Variants in SEM1 observed in about 807,000 individuals in gnomAD.
SEM1 encodes SEM1 26S proteasome subunit.
In SEM1, 3 loss-of-function variants were observed where a neutral mutation model predicts 12.7. The observed-to-expected ratio is 0.24, with a 90% CI of 0.11 to 0.61. SEM1 has a LOEUF of 0.61. SEM1 is among the 20% of genes least tolerant of loss of function. The probability of loss-of-function intolerance (pLI) is 0.88; values close to 1 mark genes in which losing one functional copy is unlikely to be tolerated. For synonymous variants in SEM1, 30 were observed against 27.8 expected, an observed-to-expected ratio of 1.08 and a Z score of -0.25; for missense variants, 59 against 81.3, an observed-to-expected ratio of 0.73 and a Z score of 1.06.
At chr7:96,620,539 C>G (rs1205648106), downstream of SEM1, among the ~76,000 whole-genome samples, 1 of 152,176 alleles carries the variant, frequency 6.6e-6, no homozygotes, top group Admixed American at 6.5e-5. Flanking sequence ...GAGGGATTCT[C>G]TTGTAGCCAA....
At chr7:96,616,249 G>T (rs1488278725) in intron 2 of SEM1, among the ~76,000 whole-genome samples, 1 of 152,100 alleles carries the variant, frequency 6.6e-6, no homozygotes, top group Admixed American at 6.5e-5. Context: ...ACTGGTGTTT[G>T]ATGGTATCTC....
chr7:96,548,320 A>G (rs1172267327), intron 2 of SEM1, among the ~76,000 whole-genome samples: 1 of 152,098 alleles, frequency 6.6e-6, no homozygotes, highest in Non-Finnish European at 1.5e-5. Context: ...CAATAGTTTG[A>G]GCTTTCCCTT....
downstream of SEM1, among the ~76,000 whole-genome samples, chr7:96,617,862 C>T (rs575321440): frequency 6.6e-6 from 1 of 152,228 alleles, no homozygotes; most frequent in East Asian, 1.9e-4. Flanking sequence ...ATATGTTGAA[C>T]CATCCTTGTA....
At chr7:96,596,402 A>G (rs1807000170) in intron 2 of SEM1, among the ~76,000 whole-genome samples, 3 of 152,166 alleles carry the variant, frequency 2.0e-5, no homozygotes, top group African/African-American at 7.2e-5. Context: ...AGCAAATGAC[A>G]AGAAGCATTT....
chr7:96,597,523 T>A (rs1807040850), intron 2 of SEM1, among the ~76,000 whole-genome samples: 1 of 152,170 alleles, frequency 6.6e-6, no homozygotes, highest in Non-Finnish European at 1.5e-5. Flanking sequence ...AGACACAAGA[T>A]GACAGGGTTT....
chr7:96,579,056 A>G (rs542193412), intron 2 of SEM1, among the ~76,000 whole-genome samples: 1 of 152,326 alleles, frequency 6.6e-6, no homozygotes, highest in East Asian at 1.9e-4. Flanking sequence ...AAATCTTGAC[A>G]TATTTGTATT....
chr7:96,631,539 C>A (rs1808262371), intron 2 of SEM1, among the ~76,000 whole-genome samples: 1 of 152,138 alleles, frequency 6.6e-6, no homozygotes, highest in Non-Finnish European at 1.5e-5. Flanking sequence ...ACCACCTCTT[C>A]AGTGCCTCTT....
At chr7:96,597,927 CAA>C (rs1473126111) in intron 2 of SEM1, among the ~76,000 whole-genome samples, 1 of 152,108 alleles carries the variant, frequency 6.6e-6, no homozygotes, top group Non-Finnish European at 1.5e-5. Flanking sequence ...TACTTTAATG[CAA>C]AAGTCAATAT....
chr7:96,534,108 T>G (rs1804719296), intron 2 of SEM1, among the ~76,000 whole-genome samples: 1 of 152,090 alleles, frequency 6.6e-6, no homozygotes, highest in African/African-American at 2.4e-5. Flanking sequence ...ACCATTTTAC[T>G]TGAAAGAATG....
chr7:96,593,001 A>T (rs771088986), intron 2 of SEM1, among the ~76,000 whole-genome samples: 2,801 of 106,298 alleles, frequency 0.026, 67 homozygotes, highest in Non-Finnish European at 0.042. Context: ...TCCCATATTA[A>T]AAAAAAAAAA....
At chr7:96,539,023 A>G (rs949238679) in intron 2 of SEM1, among the ~76,000 whole-genome samples, 1 of 151,804 alleles carries the variant, frequency 6.6e-6, no homozygotes, top group Non-Finnish European at 1.5e-5. Flanking sequence ...GGTTTCCTTC[A>G]TGTTAGCAGA....
At chr7:96,687,786 T>C (rs1468138538), downstream of SEM1, among the ~76,000 whole-genome samples, 3 of 151,802 alleles carry the variant, frequency 2.0e-5, no homozygotes, top group Non-Finnish European at 4.4e-5. Flanking sequence ...AGTATAATAA[T>C]AATTTAAAAA....
At chr7:96,535,490 G>A (rs1396265759) in intron 2 of SEM1, among the ~76,000 whole-genome samples, 1 of 151,410 alleles carries the variant, frequency 6.6e-6, no homozygotes, top group Non-Finnish European at 1.5e-5. Flanking sequence ...TTAGGTTCAG[G>A]GATACATGTG....
chr7:96,621,887 T>G (rs952653704), downstream of SEM1: 3 of 152,248 alleles, frequency 2.0e-5, no homozygotes, highest in Non-Finnish European at 4.4e-5. Context: ...ACTCTGTAGC[T>G]TCTTCTTCCC....
chr7:96,661,383 T>C (rs1367017369), intron 2 of SEM1, among the ~76,000 whole-genome samples: 1 of 152,198 alleles, frequency 6.6e-6, no homozygotes, highest in Non-Finnish European at 1.5e-5. Flanking sequence ...TCAGTGCAAT[T>C]TCAATCAAAA....
At chr7:96,489,351 C>G (rs967488186) in intron 1 of SEM1, among the ~76,000 whole-genome samples, 3 of 152,068 alleles carry the variant, frequency 2.0e-5, no homozygotes, top group Non-Finnish European at 4.4e-5. Context: ...ATTGCTGGGC[C>G]CTACCCCTAG....
At chr7:96,706,570 C>CAAAAAA (rs67892273) in intron 1 of SEM1, among the ~76,000 whole-genome samples, 29 of 78,050 alleles carry the variant, frequency 3.7e-4, no homozygotes, top group African/African-American at 1.0e-3. Flanking sequence ...CTCAAACAAA[C>CAAAAAA]AAAAAAAAAA....
intron 2 of SEM1, among the ~76,000 whole-genome samples, chr7:96,526,874 G>C (rs1804481501): frequency 6.6e-6 from 1 of 151,842 alleles, no homozygotes; most frequent in Non-Finnish European, 1.5e-5. Flanking sequence ...AAAAAAAAAA[G>C]TTATTGCTCA....
chr7:96,507,136 A>G lies in SEM1; in HGVS notation c.171-438T>C, dbSNP rs1325380103. Among the ~76,000 whole-genome samples the G allele has an allele frequency of 6.6e-5, 10 of 152,270 alleles. No homozygotes were observed. In the East Asian group the frequency reaches 1.9e-3, roughly 29 times the overall value. ...TGAAATACAGGAAGCAGTTTGACTT[A>G]TTAACCTATGTGGTATGTGGCAAAG... On this transcript the variant is annotated intron_variant and NMD_transcript_variant, in intron 2 of 3. Coordinates refer to the SEM1 transcript ENST00000466986.
Sources: allele counts gnomAD v4.1 joint callset (sites outside exome capture counted in the v4.1 genomes callset), GRCh38; gene constraint gnomAD v4.1.1; transcripts MANE v1.5; gene names NCBI Gene and HGNC (gene_info 2026-07-23, HGNC 2026-07-21).